UBXN2B: variants seen among roughly 807,000 people sequenced by gnomAD.
UBXN2B encodes UBX domain protein 2B, also known as UBX domain-containing protein 2B.
In UBXN2B, 19 loss-of-function variants were observed where a neutral mutation model predicts 37.5. The observed-to-expected ratio is 0.51, with a 90% CI of 0.35 to 0.74. The LOEUF (loss-of-function observed/expected upper bound fraction) is 0.74, where lower values mean the gene tolerates loss of function less well. Among genes scored for constraint, UBXN2B ranks in the 30% least tolerant of loss-of-function variants. UBXN2B has a pLI of 0.01. For synonymous variants in UBXN2B, 145 were observed against 143.8 expected (o/e 1.01, Z -0.06); for missense variants, 370 against 393.2 (o/e 0.94, Z 0.50).
chr8:58,424,950 A>G, intron 2 of UBXN2B: 1 of 808,504 alleles, frequency 1.2e-6, no homozygotes, highest in Admixed American at 1.7e-5. Context: ...TGTCAGTCAG[A>G]ATATCAATCA....
In UBXN2B at chr8:58,411,396, G is replaced by GCGGAGGCCCTGAGCC; in HGVS notation, c.15_29dup (p.Gly6_Gly10dup). On this transcript the variant is annotated inframe_insertion, in exon 1 of 8. Coordinates refer to ENST00000399598, the MANE Select transcript of UBXN2B (RefSeq NM_001077619.2). ...GCTAGCCAGCGGAAGATGGCGGAGG[G>GCGGAGGCCCTGAGCC]CGGAGGCCCTGAGCCCGGCGAGCAG... 7.9e-7 allele frequency: 1 copy of GCGGAGGCCCTGAGCC among 1,269,880 alleles called. No homozygotes were observed. Among genetic ancestry groups the GCGGAGGCCCTGAGCC allele is most frequent in the South Asian group, 2.9e-5 (1 of 34,836 alleles). 78.7% of individuals were successfully genotyped at this position (1,269,880 alleles called of 1,614,324 possible). A position where few individuals can be genotyped will look rare whatever the true frequency, so the allele number is the denominator to read the frequency against.
intron 2 of UBXN2B, among the ~76,000 whole-genome samples, chr8:58,419,118 T>G (rs1390222199): frequency 6.6e-6 from 1 of 152,212 alleles, no homozygotes; most frequent in Non-Finnish European, 1.5e-5. Context: ...AATTTATCTA[T>G]CAAAAGAACT....
intron 1 of UBXN2B, 25 bp from the exon 2 acceptor site, chr8:58,416,825 T>C (rs747949374): frequency 6.9e-6 from 11 of 1,599,668 alleles, no homozygotes; most frequent in African/African-American, 1.3e-5. Context: ...GTGTTATACT[T>C]TGTAACAAGC....
At chr8:58,444,831 A>G (rs1442587601) in intron 6 of UBXN2B, among the ~76,000 whole-genome samples, 1 of 152,222 alleles carries the variant, frequency 6.6e-6, no homozygotes, top group East Asian at 1.9e-4. Context: ...TAGCTAAAGA[A>G]AGAGAAAGTG....
intron 2 of UBXN2B, chr8:58,426,031 C>T: frequency 7.1e-7 from 1 of 1,404,444 alleles, no homozygotes; most frequent in Non-Finnish European, 1.0e-6. Flanking sequence ...GTCCCTGAAA[C>T]CACCTTTCAG....
At chr8:58,428,311 CT>C (rs1455715625) in intron 2 of UBXN2B, among the ~76,000 whole-genome samples, 3 of 152,170 alleles carry the variant, frequency 2.0e-5, no homozygotes, top group Non-Finnish European at 4.4e-5. Context: ...TGGGTAACCC[CT>C]ATCACAATTT....
Position 58,411,472 on chromosome 8 carries a change from G to A in UBXN2B, c.84+3G>A, listed in dbSNP as rs1807635009. On this transcript the variant is annotated splice_donor_region_variant and intron_variant, in intron 1 of 7. Coordinates refer to ENST00000399598, the MANE Select transcript of UBXN2B (RefSeq NM_001077619.2). The stretch of plus-strand genomic sequence containing the variant: ...CTCCGAGCGCGCGGGATTTGCAGGT[G>A]AGGCGAGGAGCCGGGGGAGGGAGCG... 1.6e-6 allele frequency: 2 copies of A among 1,251,620 alleles called. No individual in the cohort carries two copies. Among genetic ancestry groups the A allele is most frequent in the Admixed American group, 4.2e-5 (1 of 23,738 alleles). 77.5% of individuals were successfully genotyped at this position (1,251,620 alleles called of 1,614,324 possible).
intron 6 of UBXN2B, among the ~76,000 whole-genome samples, chr8:58,444,794 A>G (rs184897574): frequency 4.3e-4 from 65 of 152,334 alleles, no homozygotes; most frequent in Non-Finnish European, 8.2e-4. Context: ...GTATCCTCAA[A>G]TCAGTTCTAA....
In UBXN2B at chr8:58,411,366, G is replaced by T; in HGVS notation, c.-20G>T. On this transcript the variant is annotated 5_prime_UTR_variant, in exon 1 of 8. Transcript: ENST00000399598. ...GTTGCGGCAGGTGCGTCCGCAGCGG[G>T]CGCCGCTAGCCAGCGGAAGATGGCG... 1 of 1,269,008 alleles carries T rather than the reference G, an allele frequency of 7.9e-7. No homozygotes were observed. The highest frequency in any genetic ancestry group is 1.0e-6 in the Non-Finnish European group (1 of 1,004,468). The allele number at this position is 1,269,008 out of a possible 1,614,324, so 78.6% of individuals were successfully genotyped here. A position where few individuals can be genotyped will look rare whatever the true frequency, so the allele number is the denominator to read the frequency against.
At chr8:58,443,618 C>A (rs1216995133) in intron 6 of UBXN2B, among the ~76,000 whole-genome samples, 2 of 149,508 alleles carry the variant, frequency 1.3e-5, no homozygotes, top group South Asian at 4.3e-4. Flanking sequence ...CATGGCGAAA[C>A]CCCATCTCTA....
At chr8:58,417,691 A>G (rs1298610933) in intron 2 of UBXN2B, among the ~76,000 whole-genome samples, 8 of 152,232 alleles carry the variant, frequency 5.3e-5, no homozygotes, top group Admixed American at 2.6e-4. Context: ...TTATTCTCAG[A>G]AAGTCTATTT....
chr8:58,434,849 T>C, intron 5 of UBXN2B: 1 of 1,535,610 alleles, frequency 6.5e-7, no homozygotes, highest in Non-Finnish European at 8.7e-7. Context: ...TCCTGCTTAC[T>C]GTTGACAGGG....
intron 1 of UBXN2B, among the ~76,000 whole-genome samples, chr8:58,412,194 A>G (rs1370271365): frequency 6.6e-6 from 1 of 152,230 alleles, no homozygotes; most frequent in Non-Finnish European, 1.5e-5. Context: ...AAATATCAGT[A>G]AGGAGATACT....
At chr8:58,444,785 T>G (rs900822930) in intron 6 of UBXN2B, among the ~76,000 whole-genome samples, 4 of 152,236 alleles carry the variant, frequency 2.6e-5, no homozygotes, top group African/African-American at 9.6e-5. Flanking sequence ...TATTTTTATG[T>G]ATCCTCAAAT....
chr8:58,435,813 G>A (rs1227123792), intron 5 of UBXN2B, among the ~76,000 whole-genome samples: 1 of 152,106 alleles, frequency 6.6e-6, no homozygotes, highest in South Asian at 2.1e-4. Context: ...ATCAATAAGA[G>A]TTTTAGAAAA....
chr8:58,434,874 T>C (rs1342576016), intron 5 of UBXN2B: 1 of 1,535,658 alleles, frequency 6.5e-7, no homozygotes, highest in East Asian at 2.4e-5. Flanking sequence ...TCTCATTGCA[T>C]GTATGCCTGA....
intron 5 of UBXN2B, among the ~76,000 whole-genome samples, chr8:58,436,376 G>A (rs966777622): frequency 6.6e-6 from 1 of 152,204 alleles, no homozygotes; most frequent in African/African-American, 2.4e-5. Flanking sequence ...GGATCAGACA[G>A]TATTATCCAC....
At position 58,439,779 on chromosome 8, in the gene UBXN2B, C is replaced by A; in HGVS notation, c.671+9C>A. On this transcript the variant is annotated intron_variant, in intron 6 of 7. Coordinates refer to ENST00000399598, the MANE Select transcript of UBXN2B (RefSeq NM_001077619.2). ...GGGCAAAAACTTGGAAGGTAAAAAT[C>A]CTAAAATGAGAAAAATACCTTTGTT... The A allele has an allele frequency of 6.3e-7, 1 of 1,582,420 alleles. No homozygotes were observed. The highest frequency in any genetic ancestry group is 8.5e-7 in the Non-Finnish European group (1 of 1,169,944).
rs751934340 is a variant in UBXN2B, at chr8:58,434,508, A to G, written c.533+4A>G. 1 of 1,528,080 alleles carries G rather than the reference A, an allele frequency of 6.5e-7. No individual in the cohort carries two copies. Among genetic ancestry groups the G allele is most frequent in the Non-Finnish European group, 8.8e-7 (1 of 1,136,848 alleles). 94.7% of individuals were successfully genotyped at this position (1,528,080 alleles called of 1,614,324 possible). The stretch of plus-strand genomic sequence containing the variant: ...TTCTGGAGTCTGTTAAGAGAGGGTA[A>G]GATGTATTATTTGTATTCTATTTGT... On this transcript the variant is annotated splice_donor_region_variant and intron_variant, in intron 5 of 7. Transcript: ENST00000399598.
Sources: allele counts gnomAD v4.1 joint callset (sites outside exome capture counted in the v4.1 genomes callset), GRCh38; gene constraint gnomAD v4.1.1; transcripts MANE v1.5; gene names NCBI Gene and HGNC (gene_info 2026-07-23, HGNC 2026-07-21).